Variants in ARAP1 observed in about 807,000 individuals in gnomAD.
ARAP1 encodes arf-GAP with Rho-GAP domain, ANK repeat and PH domain-containing protein 1.
Under a neutral mutation model 172.2 loss-of-function variants are expected in ARAP1, and 76 were observed. The ratio of observed to expected loss-of-function variants is 0.44; its 90% CI spans 0.37 to 0.53. ARAP1 has a LOEUF of 0.53. ARAP1 is among the 20% of genes least tolerant of loss of function. The pLI is 0.00. For synonymous variants in ARAP1, 804 were observed against 803.3 expected, an observed-to-expected ratio of 1.00 and a Z score of -0.01; for missense variants, 1,686 against 1,977.5, an observed-to-expected ratio of 0.85 and a Z score of 2.80.
chr11:72,713,229 C>G lies in ARAP1; in HGVS notation c.694G>C (p.Asp232His). 1.9e-6 allele frequency: 3 copies of G among 1,613,474 alleles called. No individual in the cohort carries two copies. Among genetic ancestry groups the G allele is most frequent in the Non-Finnish European group, 2.5e-6 (3 of 1,179,708 alleles). The change falls in exon 5 of 35, where the codon GAT (aspartate) becomes CAT (histidine). Residue 232 changes from aspartate (D) to histidine (H), a missense_variant. Transcript: ENST00000393609. ...CCCGGCCCCTCCTCTGGGACCTCAT[C>G]GTAGTCAGAGTCATCTGGTGAGAGA... Reference protein sequence around the residue: ...LFPEFDDSDYDEVPEEGPGAP... With the variant: ...LFPEFDDSDYHEVPEEGPGAP...
rs1226589341 is a variant in ARAP1 at position 72,732,514 on chromosome 11, C to T, written c.-45+1G>A. ...TCCCACCGCTCCACCTCCTGACTCA[C>T]CAGCTGGGCTGCCAAGGACGCCCGG... is the stretch of plus-strand genomic sequence containing the variant. On this transcript the variant is annotated splice_donor_variant, in intron 2 of 34. Coordinates refer to ENST00000393609, the MANE Select transcript of ARAP1 (RefSeq NM_001040118.3). LOFTEE classifies it low-confidence loss of function (5UTR_SPLICE). 1 of 152,664 alleles carries T rather than the reference C, an allele frequency of 6.6e-6. No individual in the cohort carries two copies. Among genetic ancestry groups the T allele is most frequent in the Non-Finnish European group, 1.5e-5 (1 of 68,290 alleles). 9.5% of individuals were successfully genotyped at this position (152,664 alleles called of 1,614,324 possible).
chr11:72,711,373 T>G (rs1180445513), intron 8 of ARAP1, 57 bp downstream of exon 8: 9 of 1,565,264 alleles, frequency 5.7e-6, no homozygotes, highest in Non-Finnish European at 7.0e-6. Flanking sequence ...CTCGCTCCAG[T>G]GTTGGGGCCA....
In ARAP1 at chr11:72,693,674, C is replaced by A. The variant is rs753098859; in HGVS notation, c.3808+18G>T. 2.8e-5 allele frequency: 45 copies of A among 1,587,156 alleles called. No individual in the cohort carries two copies. Among genetic ancestry groups the A allele is most frequent in the Non-Finnish European group, 8.6e-7 (1 of 1,166,176 alleles). Reference sequence around the variant, plus strand: ...AGAGGACCACCCGGAGCCTGGCCACCCTGCAGGCACCACCTACCCAGGTAC... The same window carrying A: ...AGAGGACCACCCGGAGCCTGGCCACACTGCAGGCACCACCTACCCAGGTAC... On this transcript the variant is annotated intron_variant, in intron 28 of 34. Coordinates refer to ENST00000393609, the MANE Select transcript of ARAP1 (RefSeq NM_001040118.3). The surrounding 1 kb of genome is among the most constrained non-coding windows in gnomAD (Gnocchi z 4.6).
At chr11:72,701,461 T>C (rs1013343385) in intron 16 of ARAP1, among the ~76,000 whole-genome samples, 188 bp downstream of exon 16, 5 of 152,252 alleles carry the variant, frequency 3.3e-5, no homozygotes, top group Admixed American at 2.6e-4. Context: ...TGCTCTGCAG[T>C]GTCATGCACT....
At chr11:72,751,235 G>A (rs1858522443) in intron 1 of ARAP1, among the ~76,000 whole-genome samples, 1 of 152,102 alleles carries the variant, frequency 6.6e-6, no homozygotes, top group Admixed American at 6.5e-5. Flanking sequence ...TGGGACACAG[G>A]ATGAGTTCTC....
chr11:72,746,732 G>C (rs2135595791), intron 1 of ARAP1, among the ~76,000 whole-genome samples: 1 of 151,954 alleles, frequency 6.6e-6, no homozygotes, highest in South Asian at 2.1e-4. Context: ...TTCACAACTG[G>C]GGGCTGGTAA....
intron 5 of ARAP1, 48 bp downstream of exon 5, chr11:72,713,128 C>T: frequency 1.3e-6 from 2 of 1,589,204 alleles, no homozygotes; most frequent in Non-Finnish European, 1.7e-6. Context: ...GGCAGCTGGG[C>T]ACCCCCACAA....
At chr11:72,692,690 C>T in intron 30 of ARAP1, 63 bp downstream of exon 30, 1 of 1,604,468 alleles carries the variant, frequency 6.2e-7, no homozygotes, top group Non-Finnish European at 8.5e-7. Flanking sequence ...CCCATGCTCC[C>T]ACCCAGCTCA....
At position 72,699,556 on chromosome 11, in the gene ARAP1, G is replaced by C; in HGVS notation, c.2303-4C>G. The C allele has an allele frequency of 1.2e-6, 2 of 1,610,432 alleles. No homozygotes were observed. The highest frequency in any genetic ancestry group is 1.7e-6 in the Non-Finnish European group (2 of 1,178,458). ...ACACACCAGCGCCGGCTGAACTCTG[G>C]GGAGAATTTGGGCAGGGGAGCCATC... is the stretch of plus-strand genomic sequence containing the variant. On this transcript the variant is annotated splice_polypyrimidine_tract_variant and splice_region_variant and intron_variant, in intron 16 of 34. Transcript: ENST00000393609. The surrounding 1 kb of genome is among the most constrained non-coding windows in gnomAD (Gnocchi z 4.2).
rs1856014974 is a variant in ARAP1 at position 72,693,195 on chromosome 11, C to G, written c.3954+130G>C. 1 of 1,357,314 alleles carries G rather than the reference C, an allele frequency of 7.4e-7. No homozygotes were observed. Among genetic ancestry groups the G allele is most frequent in the African/African-American group, 1.4e-5 (1 of 69,060 alleles). 84.1% of individuals were successfully genotyped at this position (1,357,314 alleles called of 1,614,324 possible). A position where few individuals can be genotyped will look rare whatever the true frequency, so the allele number is the denominator to read the frequency against. ...GGAGGGGTCTTGAGAGTCTACAGTT[C>G]TCCCCCACTGCTGTGCCATCCTGAG... is the stretch of plus-strand genomic sequence containing the variant. On this transcript the variant is annotated intron_variant, in intron 29 of 34. Coordinates refer to ENST00000393609, the MANE Select transcript of ARAP1 (RefSeq NM_001040118.3). This position sits in a 1 kb window ranked among gnomAD's most constrained non-coding sequence, Gnocchi z 4.6.
At position 72,726,983 on chromosome 11, in the gene ARAP1, A is replaced by G. The variant is rs1158521915; in HGVS notation, c.146T>C (p.Met49Thr). 6.2e-7 allele frequency: 1 copy of G among 1,605,230 alleles called. No individual in the cohort carries two copies. Among genetic ancestry groups the G allele is most frequent in the Non-Finnish European group, 8.5e-7 (1 of 1,176,290 alleles). ...QGLSDTRLMD[M>T]GMLLPGHRRR... ...GCGGTGACCAGGGAGTAGCATGCCC[A>G]TGTCCATCAGGCGGGTGTCGCTGAG... The change falls in exon 3 of 35, where the codon ATG becomes ACG. Residue 49 changes from methionine (M) to threonine (T), a missense_variant. Physicochemically the swap from Met to Thr is moderately conservative, Grantham distance 81. This residue lies in a region of ARAP1 where 190 missense variants were observed against 228.6 expected (regional missense o/e 0.83). Transcript: ENST00000393609. The surrounding 1 kb of genome is among the most constrained non-coding windows in gnomAD (Gnocchi z 6.5).
chr11:72,713,846 CAAAAAAAAAAAA>C (rs71469440), intron 4 of ARAP1, among the ~76,000 whole-genome samples: 1 of 81,492 alleles, frequency 1.2e-5, no homozygotes, highest in African/African-American at 4.3e-5. Context: ...GACTCCATCT[CAAAAAAAAAAAA>C]AAAAAAGAAA....
rs762324064 is a variant in ARAP1, at chr11:72,687,471, G to A, written c.4153C>T (p.Arg1385Trp). Reference protein sequence around the residue: ...YLCCDTQMELREWFATFLFVQ... With the variant: ...YLCCDTQMELWEWFATFLFVQ... ...AACAGAAAGGTAGCGAACCACTCCCGGAGCTCCATCTGTGTGTCACAGCAG... is the reference window on the plus strand; with the variant it reads ...AACAGAAAGGTAGCGAACCACTCCCAGAGCTCCATCTGTGTGTCACAGCAG... The change falls in exon 33 of 35, where the codon CGG becomes TGG. Residue 1385 changes from arginine to tryptophan, a missense_variant. Physicochemically the swap from Arg to Trp is moderately radical, Grantham distance 101 (BLOSUM62 -3). Transcript: ENST00000393609. The A allele has an allele frequency of 1.9e-5, 30 of 1,613,952 alleles. No homozygotes were observed. Among genetic ancestry groups the A allele is most frequent in the East Asian group, 4.5e-5 (2 of 44,886 alleles).
chr11:72,714,385 C>G, intron 3 of ARAP1, 64 bp from the exon 4 acceptor site: 1 of 1,474,662 alleles, frequency 6.8e-7, no homozygotes, highest in Non-Finnish European at 9.1e-7. Context: ...CATACTGAGC[C>G]CCCAGCTCAC....
Position 72,710,659 on chromosome 11 carries a change from C to G in ARAP1, c.1214-72G>C, listed in dbSNP as rs1166746189. 1 of 1,431,802 alleles carries G rather than the reference C, an allele frequency of 7.0e-7. No homozygotes were observed. Among genetic ancestry groups the G allele is most frequent in the Admixed American group, 2.3e-5 (1 of 42,684 alleles). The allele number at this position is 1,431,802 out of a possible 1,614,324, so 88.7% of individuals were successfully genotyped here. On this transcript the variant is annotated intron_variant, in intron 9 of 34. Coordinates refer to ENST00000393609, the MANE Select transcript of ARAP1 (RefSeq NM_001040118.3). This position sits in a 1 kb window ranked among gnomAD's most constrained non-coding sequence, Gnocchi z 4.3. ...CTCAGGGGTCTCCTGGCCCTAGGCT[C>G]CTCATGCAACACCTCCTCCAGAAAG...
At chr11:72,700,357 T>C (rs539335793) in intron 16 of ARAP1, 14 of 152,572 alleles carry the variant, frequency 9.2e-5, no homozygotes, top group African/African-American at 3.1e-4. Context: ...TTTGTCCCCG[T>C]AGGAAAGCAT....
intron 3 of ARAP1, among the ~76,000 whole-genome samples, chr11:72,723,329 T>C (rs1857586113): frequency 6.6e-6 from 1 of 151,826 alleles, no homozygotes; most frequent in African/African-American, 2.4e-5. Context: ...ATGATGATAA[T>C]AATAATAATA....
chr11:72,718,946 G>A (rs992519277), intron 3 of ARAP1, among the ~76,000 whole-genome samples: 6 of 152,320 alleles, frequency 3.9e-5, no homozygotes, highest in African/African-American at 2.4e-5. Context: ...GTGTCTACGT[G>A]TATGTGTTCC....
At chr11:72,733,973 G>A (rs575918696) in intron 1 of ARAP1, among the ~76,000 whole-genome samples, 6 of 152,054 alleles carry the variant, frequency 3.9e-5, no homozygotes, top group Admixed American at 6.6e-5. Flanking sequence ...CTACAGGTGC[G>A]TATCACCATG....
Sources: allele counts gnomAD v4.1 joint callset (sites outside exome capture counted in the v4.1 genomes callset), GRCh38; gene constraint gnomAD v4.1.1; regional missense constraint gnomAD v4.1.1; non-coding constraint Gnocchi (gnomAD v3.1); transcripts MANE v1.5; gene names NCBI Gene and HGNC (gene_info 2026-07-23, HGNC 2026-07-21).